Variants in SLC25A13 observed in about 807,000 individuals in gnomAD.
SLC25A13 encodes the protein electrogenic aspartate/glutamate antiporter SLC25A13, mitochondrial.
In SLC25A13, 70 loss-of-function variants were observed where a neutral mutation model predicts 85.5. The ratio of observed to expected loss-of-function variants is 0.82; its 90% confidence interval spans 0.68 to 1.00. SLC25A13 has a LOEUF of 1.00. Among genes scored for constraint, SLC25A13 ranks in the 50% least tolerant of loss-of-function variants. The probability of loss-of-function intolerance (pLI) is 0.00; values close to 1 mark genes in which losing one functional copy is unlikely to be tolerated. For synonymous variants in SLC25A13, 259 were observed against 288.7 expected (o/e 0.90, Z 1.04); for missense variants, 765 against 819.8 (o/e 0.93, Z 0.82).
chr7:96,134,841 A>G (rs1288571066), intron 14 of SLC25A13, among the ~76,000 whole-genome samples: 1 of 140,276 alleles, frequency 7.1e-6, no homozygotes, highest in Admixed American at 7.2e-5. Flanking sequence ...GAATTGCAAC[A>G]CTAAAGGAAA....
intron 7 of SLC25A13, among the ~76,000 whole-genome samples, 197 bp from the exon 8 acceptor site, chr7:96,189,871 T>A (rs1455206764): frequency 1.3e-5 from 2 of 152,192 alleles, no homozygotes; most frequent in Admixed American, 1.3e-4. Context: ...CAGAATATGT[T>A]CTTGAATATA....
At chr7:96,276,584 CTG>C (rs1464827971) in intron 3 of SLC25A13, among the ~76,000 whole-genome samples, 1 of 152,114 alleles carries the variant, frequency 6.6e-6, no homozygotes, top group Non-Finnish European at 1.5e-5. Flanking sequence ...GATCATGCCA[CTG>C]TACTCCAGCC....
intron 3 of SLC25A13, among the ~76,000 whole-genome samples, chr7:96,260,814 C>T (rs1360383814): frequency 6.6e-6 from 1 of 152,108 alleles, no homozygotes; most frequent in African/African-American, 2.4e-5. Context: ...CCTAATTTCC[C>T]TTTCTTCCAC....
intron 2 of SLC25A13, among the ~76,000 whole-genome samples, chr7:96,291,600 C>T (rs911639056): frequency 6.6e-6 from 1 of 152,114 alleles, no homozygotes; most frequent in Non-Finnish European, 1.5e-5. Context: ...GGGGATATCT[C>T]CACCGATCCC....
At chr7:96,223,088 G>GA (rs910309313) in intron 4 of SLC25A13, among the ~76,000 whole-genome samples, 30 of 140,976 alleles carry the variant, frequency 2.1e-4, no homozygotes, top group Middle Eastern at 3.6e-3. Context: ...TTTTCCCCAG[G>GA]AAAAAAAAAA....
chr7:96,193,032 C>T lies in SLC25A13; in HGVS notation c.615+5G>A, dbSNP rs80338717. ...ACCACTTCATTAGGGCAAGTTACAA[C>T]TTACAGCTACTAGACATTCTTCTAC... On this transcript the variant is annotated splice_donor_5th_base_variant and intron_variant, in intron 6 of 17. Coordinates refer to ENST00000265631, the MANE Select transcript of SLC25A13 (RefSeq NM_014251.3). 1.5e-5 allele frequency: 25 copies of T among 1,613,928 alleles called. No individual in the cohort carries two copies. The East Asian group carries it at 5.4e-4, about 35-fold the overall frequency.
intron 13 of SLC25A13, among the ~76,000 whole-genome samples, chr7:96,162,152 C>T (rs1021998873): frequency 1.3e-5 from 2 of 152,144 alleles, no homozygotes; most frequent in African/African-American, 4.8e-5. Context: ...CACAGGAAAT[C>T]CTGGGAAGAA....
At chr7:96,301,632 GTTTT>G (rs1554383370) in intron 1 of SLC25A13, among the ~76,000 whole-genome samples, 1 of 138,116 alleles carries the variant, frequency 7.2e-6, no homozygotes, top group Non-Finnish European at 1.6e-5. Flanking sequence ...TTGGTGTTTT[GTTTT>G]TTTTTTTTTT....
chr7:96,318,380 GT>G (rs1239720036), intron 1 of SLC25A13, among the ~76,000 whole-genome samples: 1 of 152,126 alleles, frequency 6.6e-6, no homozygotes, highest in African/African-American at 2.4e-5. Context: ...TTTTAAAACT[GT>G]TTTTTTATGG....
chr7:96,243,487 C>G (rs1797069022), intron 3 of SLC25A13, among the ~76,000 whole-genome samples: 1 of 152,168 alleles, frequency 6.6e-6, no homozygotes, highest in Admixed American at 6.5e-5. Context: ...TGGAATCATG[C>G]TTCTCAGCCC....
intron 11 of SLC25A13, among the ~76,000 whole-genome samples, chr7:96,176,447 A>G (rs748966728): frequency 1.2e-4 from 19 of 152,340 alleles, no homozygotes; most frequent in Middle Eastern, 6.8e-3. Context: ...CAGCTCCATC[A>G]GCACATATGG....
intron 15 of SLC25A13, among the ~76,000 whole-genome samples, chr7:96,124,456 C>T (rs1350161148): frequency 6.6e-6 from 1 of 152,118 alleles, no homozygotes; most frequent in Non-Finnish European, 1.5e-5. Context: ...TGACATTATA[C>T]ATTGATATTA....
Position 96,208,970 on chromosome 7 carries a change from A to C in SLC25A13, c.336T>G (p.Val112=), listed in dbSNP as rs1347225826. Reference sequence around the variant, plus strand: ...TTGTGGTCTGTCCAAAAACTTGCTTAACATCCTCTGAAAAGAGAAAAGACA... The same window carrying C: ...TTGTGGTCTGTCCAAAAACTTGCTTCACATCCTCTGAAAAGAGAAAAGACA... ...AGKGEVTFED[V]KQVFGQTTIH... is the part of the protein sequence containing the mutation. Residue 112 remains valine (V), a synonymous_variant, in exon 5 of 18, where the codon GTT becomes GTG. Coordinates refer to ENST00000265631, the MANE Select transcript of SLC25A13 (RefSeq NM_014251.3). 1 of 1,614,000 alleles carries C rather than the reference A, an allele frequency of 6.2e-7. No individual in the cohort carries two copies. The highest frequency in any genetic ancestry group is 1.3e-5 in the African/African-American group (1 of 74,942).
chr7:96,146,444 C>A (rs1584370342), intron 14 of SLC25A13, 112 bp downstream of exon 14: 1 of 1,405,080 alleles, frequency 7.1e-7, no homozygotes, highest in Non-Finnish European at 9.8e-7. Context: ...GGTAGAACAT[C>A]TTCTCCAGGT....
chr7:96,173,217 A>G (rs1338743457), intron 11 of SLC25A13, among the ~76,000 whole-genome samples: 1 of 152,250 alleles, frequency 6.6e-6, no homozygotes, highest in Non-Finnish European at 1.5e-5. Context: ...TTAAACAAGG[A>G]TAAGGATGGT....
intron 2 of SLC25A13, 150 bp from the exon 3 acceptor site, chr7:96,277,488 C>A: frequency 6.7e-6 from 5 of 747,458 alleles, no homozygotes; most frequent in South Asian, 4.0e-5. Context: ...TATCTCCCAA[C>A]AGTTCAAAGA....
intron 4 of SLC25A13, among the ~76,000 whole-genome samples, chr7:96,230,989 T>C (rs1796519551): frequency 1.3e-5 from 2 of 152,134 alleles, no homozygotes; most frequent in African/African-American, 2.4e-5. Flanking sequence ...TGCATGCCTA[T>C]ACTCCCAGCT....
intron 3 of SLC25A13, among the ~76,000 whole-genome samples, chr7:96,243,285 A>G (rs552292614): frequency 6.6e-6 from 1 of 152,216 alleles, no homozygotes; most frequent in South Asian, 2.1e-4. Flanking sequence ...ACTCTTTTTG[A>G]TAACAAAGCA....
intron 3 of SLC25A13, among the ~76,000 whole-genome samples, chr7:96,264,018 C>T (rs1486372512): frequency 6.6e-6 from 1 of 152,060 alleles, no homozygotes; most frequent in East Asian, 1.9e-4. Flanking sequence ...TGCGTCCTAC[C>T]CAATGTCCTC....
Sources: allele counts gnomAD v4.1 joint callset (sites outside exome capture counted in the v4.1 genomes callset), GRCh38; gene constraint gnomAD v4.1.1; transcripts MANE v1.5; gene names NCBI Gene and HGNC (gene_info 2026-07-23, HGNC 2026-07-21).